The following RHEX variants were observed in gnomAD, a reference collection of about 807,000 sequenced individuals.
The protein encoded by RHEX is regulator of hemoglobinization and erythroid cell expansion.
Under a neutral mutation model 20.1 loss-of-function variants are expected in RHEX, and 18 were observed. That is an observed-to-expected ratio of 0.90 (90% CI 0.62 to 1.33). RHEX has a LOEUF of 1.33. Ranked by LOEUF, RHEX falls within the 40% of genes most tolerant of loss-of-function variation. RHEX has a pLI of 0.00. For synonymous variants in RHEX, 87 were observed against 77.1 expected (o/e 1.13, Z -0.67); for missense variants, 192 against 214.3 (o/e 0.90, Z 0.65).
chr1:206,079,658 C>T (rs572619957), intron 1 of RHEX, among the ~76,000 whole-genome samples: 5 of 152,180 alleles, frequency 3.3e-5, no homozygotes, highest in South Asian at 2.1e-4. Context: ...TAGGTTCAAG[C>T]GAATCTCCTG....
intron 1 of RHEX, among the ~76,000 whole-genome samples, chr1:206,093,763 C>A (rs782273638): frequency 1.3e-5 from 2 of 152,100 alleles, no homozygotes; most frequent in African/African-American, 2.4e-5. Context: ...AGGAGGGAAA[C>A]TTAATAAAAT....
At position 206,097,750 on chromosome 1, in the gene RHEX, G is replaced by A. The variant is rs1284688663; in HGVS notation, c.-79G>A. On this transcript the variant is annotated 5_prime_UTR_variant, in exon 2 of 6. Transcript: ENST00000331555. ...TCTTGCAGATCTCCAGCACCCTGCC[G>A]GTGGCACTACTGAGAGACGAGGTGC... 2.2e-5 allele frequency: 36 copies of A among 1,613,108 alleles called. No individual in the cohort carries two copies. Among genetic ancestry groups the A allele is most frequent in the South Asian group, 7.7e-5 (7 of 91,012 alleles).
At chr1:206,065,579 C>G (rs1179820518) in intron 1 of RHEX, among the ~76,000 whole-genome samples, 1 of 152,226 alleles carries the variant, frequency 6.6e-6, no homozygotes, top group Admixed American at 6.5e-5. Flanking sequence ...CAGTCTTGCT[C>G]TGGCAACCCC....
intron 1 of RHEX, among the ~76,000 whole-genome samples, chr1:206,073,192 C>T (rs1662567819): frequency 6.6e-6 from 1 of 152,128 alleles, no homozygotes; most frequent in South Asian, 2.1e-4. Context: ...CTACCTGTCT[C>T]TGATGTGGGA....
intron 1 of RHEX, among the ~76,000 whole-genome samples, chr1:206,073,905 A>G (rs1319279330): frequency 3.3e-5 from 5 of 152,138 alleles, no homozygotes; most frequent in Non-Finnish European, 7.3e-5. Flanking sequence ...CTGACCAACT[A>G]GCCTTCAATG....
chr1:206,101,262 C>T (rs554619508), intron 5 of RHEX, 65 bp downstream of exon 5: 1 of 1,338,514 alleles, frequency 7.5e-7, no homozygotes, highest in East Asian at 2.3e-5. Flanking sequence ...CTGTAAAACG[C>T]TGAAAACTCA....
chr1:206,053,861 C>T (rs185695451), intron 1 of RHEX, among the ~76,000 whole-genome samples: 321 of 152,132 alleles, frequency 2.1e-3, no homozygotes, highest in South Asian at 7.7e-3. Flanking sequence ...GCAGCATAAG[C>T]GGCTGGCAGA....
intron 1 of RHEX, among the ~76,000 whole-genome samples, chr1:206,094,456 A>G (rs782014093): frequency 6.6e-6 from 1 of 152,220 alleles, no homozygotes; most frequent in Non-Finnish European, 1.5e-5. Flanking sequence ...GGGTTGAATA[A>G]TACCTAATAA....
At chr1:206,088,438 T>G (rs538758316) in intron 1 of RHEX, among the ~76,000 whole-genome samples, 64 of 152,294 alleles carry the variant, frequency 4.2e-4, no homozygotes, top group African/African-American at 1.4e-3. Context: ...ATCCCAGCAC[T>G]TTGGGAGATT....
rs184236220 is a variant in RHEX, at chr1:206,066,064, T to G, written c.-97+12799T>G. 5.0e-4 allele frequency among the ~76,000 whole-genome samples: 76 copies of G among 152,336 alleles called. No homozygotes were observed. In the East Asian group the frequency reaches 0.01, roughly 21 times the overall value. ...TGGTCCCTCCAGGGATTTCTGAAGA[T>G]TCTCATTCAAATCAGTACCTGAGTT... On this transcript the variant is annotated intron_variant, in intron 1 of 5. Coordinates refer to ENST00000331555, the MANE Select transcript of RHEX (RefSeq NM_001007544.4).
intron 1 of RHEX, among the ~76,000 whole-genome samples, chr1:206,063,368 GCCTCTC>G (rs368021574): frequency 0.01 from 1,576 of 151,446 alleles, 30 homozygotes; most frequent in African/African-American, 0.036. Context: ...AGATTTTTCT[GCCTCTC>G]CCTCTCCCTC....
At chr1:206,101,005 C>A in intron 4 of RHEX, 131 bp from the exon 5 acceptor site, 1 of 633,994 alleles carries the variant, frequency 1.6e-6, no homozygotes, top group East Asian at 2.8e-5. Flanking sequence ...CTTCCCTACC[C>A]CCCCTTTTTG....
At chr1:206,093,155 T>TA (rs1205151650) in intron 1 of RHEX, among the ~76,000 whole-genome samples, 2 of 152,208 alleles carry the variant, frequency 1.3e-5, no homozygotes, top group African/African-American at 4.8e-5. Context: ...TAGCTAATGT[T>TA]AAAAACAACA....
At chr1:206,077,215 G>A (rs1170927477) in intron 1 of RHEX, among the ~76,000 whole-genome samples, 1 of 152,122 alleles carries the variant, frequency 6.6e-6, no homozygotes, top group African/African-American at 2.4e-5. Flanking sequence ...TGATGATGGT[G>A]AGCCGGTGAT....
intron 1 of RHEX, chr1:206,061,109 C>T (rs1439044819): frequency 1.3e-5 from 2 of 152,002 alleles, no homozygotes; most frequent in African/African-American, 4.8e-5. Context: ...TATGCCTCAG[C>T]TAAAAGAAAT....
Position 206,096,786 on chromosome 1 carries a change from T to TG in RHEX, c.-96-947_-96-946insG, listed in dbSNP as rs1202314609. 5.9e-3 allele frequency among the ~76,000 whole-genome samples: 877 copies of TG among 149,102 alleles called. 34 individuals are homozygous for TG. In the East Asian group the frequency reaches 0.13, roughly 23 times the overall value. On this transcript the variant is annotated intron_variant, in intron 1 of 5. Coordinates refer to ENST00000331555, the MANE Select transcript of RHEX (RefSeq NM_001007544.4). ...CCCTGTTTTTTTTTTTTTTGGTTTT[T>TG]TTTTTTGAGACAGGGTCTTGCTCTG...
chr1:206,099,750 G>A lies in RHEX; in HGVS notation c.208G>A (p.Glu70Lys), dbSNP rs782076576. Reference protein sequence around the residue: ...HHPPAVKEMKETQTERDIPMS... With the variant: ...HHPPAVKEMKKTQTERDIPMS... Reference sequence around the variant, plus strand: ...TCCACCTGCTGTCAAAGAGATGAAGGAGACTCAGACAGAGAGAGACATCCC... The same window carrying A: ...TCCACCTGCTGTCAAAGAGATGAAGAAGACTCAGACAGAGAGAGACATCCC... The change falls in exon 4 of 6, where the codon GAG (glutamate) becomes AAG (lysine). Residue 70 changes from glutamate (E) to lysine (K), a missense_variant. Coordinates refer to ENST00000331555, the MANE Select transcript of RHEX (RefSeq NM_001007544.4). The A allele has an allele frequency of 3.7e-6, 6 of 1,614,084 alleles. No individual in the cohort carries two copies. The highest frequency in any genetic ancestry group is 5.1e-6 in the Non-Finnish European group (6 of 1,179,976).
intron 1 of RHEX, among the ~76,000 whole-genome samples, chr1:206,074,240 C>T (rs1382551696): frequency 1.3e-5 from 2 of 152,182 alleles, no homozygotes; most frequent in Non-Finnish European, 2.9e-5. Flanking sequence ...TTCATCACAC[C>T]TCAGTGCAAT....
chr1:206,101,727 C>T, intron 5 of RHEX, 25 bp from the exon 6 acceptor site: 1 of 1,582,520 alleles, frequency 6.3e-7, no homozygotes, highest in Non-Finnish European at 8.6e-7. Flanking sequence ...GATCTTGACC[C>T]ACATGTCTCT....
Sources: allele counts gnomAD v4.1 joint callset (sites outside exome capture counted in the v4.1 genomes callset), GRCh38; gene constraint gnomAD v4.1.1; transcripts MANE v1.5; gene names NCBI Gene and HGNC (gene_info 2026-07-23, HGNC 2026-07-21).